Variants in IL7R observed in about 807,000 individuals in gnomAD.
IL7R encodes interleukin-7 receptor subunit alpha.
A neutral mutation model predicts 47.0 loss-of-function variants in IL7R; 38 were observed. The observed-to-expected ratio is 0.81, with a 90% CI of 0.62 to 1.06. IL7R has a LOEUF of 1.06. Among genes scored for constraint, IL7R ranks in the 50% least tolerant of loss-of-function variants. The pLI is 0.00. For synonymous variants in IL7R, 221 were observed against 199.8 expected (o/e 1.11, Z -0.89); for missense variants, 633 against 534.8 (o/e 1.18, Z -1.81).
intron 1 of IL7R, among the ~76,000 whole-genome samples, chr5:35,860,244 C>T (rs1759767491): frequency 6.6e-6 from 1 of 152,060 alleles, no homozygotes; most frequent in South Asian, 2.1e-4. Flanking sequence ...ACGTTTGTCT[C>T]AGTCAGTAGC....
Position 35,878,072 on chromosome 5 carries a change from T to C in IL7R, c.*1586T>C, listed in dbSNP as rs971633011. On this transcript the variant is annotated 3_prime_UTR_variant, in exon 8 of 8. Coordinates refer to ENST00000303115, the MANE Select transcript of IL7R (RefSeq NM_002185.5). ...GATATTTTAGTTTTCTTGTTTGTTT[T>C]GTTTTGTGTTGTCTGTGAATGGGGT... The C allele has an allele frequency of 8.6e-6, 2 of 233,242 alleles. No individual in the cohort carries two copies. The highest frequency in any genetic ancestry group is 6.0e-5 in the East Asian group (1 of 16,606). The allele number at this position is 233,242 out of a possible 1,614,324, so 14.4% of individuals were successfully genotyped here. A position where few individuals can be genotyped will look rare whatever the true frequency, so the allele number is the denominator to read the frequency against.
rs11567763 is a variant in IL7R at position 35,873,466 on chromosome 5, A to C, written c.538-14A>C. 5.5e-3 allele frequency: 8,942 copies of C among 1,611,698 alleles called. 462 individuals carry two copies. The African/African-American group carries it at 0.11, about 19-fold the overall frequency. ...TTTCCCATCCTAAGAATGTAACTGC[A>C]CTCTACTCTCTAGCATGTGAATTTA... is the stretch of plus-strand genomic sequence containing the variant. On this transcript the variant is annotated splice_polypyrimidine_tract_variant and intron_variant, in intron 4 of 7. Coordinates refer to ENST00000303115, the MANE Select transcript of IL7R (RefSeq NM_002185.5).
chr5:35,873,799 G>T, intron 5 of IL7R, 151 bp downstream of exon 5: 4 of 768,692 alleles, frequency 5.2e-6, no homozygotes, highest in Non-Finnish European at 9.3e-6. Context: ...TGACTTGCCT[G>T]CTGTCTTTGC....
In IL7R at chr5:35,873,479, G is replaced by A. The variant is rs1315265916; in HGVS notation, c.538-1G>A. On this transcript the variant is annotated splice_acceptor_variant, in intron 4 of 7. Coordinates refer to ENST00000303115, the MANE Select transcript of IL7R (RefSeq NM_002185.5). LOFTEE classifies it high-confidence loss of function. ...GAATGTAACTGCACTCTACTCTCTA[G>A]CATGTGAATTTATCCAGCACAAAGC... is the stretch of plus-strand genomic sequence containing the variant. 7.4e-6 allele frequency: 12 copies of A among 1,613,370 alleles called. No homozygotes were observed. Among genetic ancestry groups the A allele is most frequent in the Admixed American group, 5.0e-5 (3 of 59,982 alleles).
At chr5:35,862,598 C>T (rs1759848322) in intron 2 of IL7R, among the ~76,000 whole-genome samples, 1 of 152,082 alleles carries the variant, frequency 6.6e-6, no homozygotes, top group South Asian at 2.1e-4. Flanking sequence ...AGATGAACTC[C>T]TGGAGTTCAG....
At position 35,867,427 on chromosome 5, in the gene IL7R, A is replaced by T. The variant is rs746743911; in HGVS notation, c.343A>T (p.Ser115Cys). 1 of 1,613,396 alleles carries T rather than the reference A, an allele frequency of 6.2e-7. No individual in the cohort carries two copies. Among genetic ancestry groups the T allele is most frequent in the Non-Finnish European group, 8.5e-7 (1 of 1,179,552 alleles). Residue 115 changes from serine to cysteine, a missense_variant, in exon 3 of 8, where the codon AGT becomes TGT. Physicochemically the swap from Ser to Cys is moderately radical, Grantham distance 112. Coordinates refer to ENST00000303115, the MANE Select transcript of IL7R (RefSeq NM_002185.5). ...TATATGTGTGAAGGTTGGAGAAAAGAGTCTAACCTGCAAAAAAATAGACCT... is the reference window on the plus strand; with the variant it reads ...TATATGTGTGAAGGTTGGAGAAAAGTGTCTAACCTGCAAAAAAATAGACCT... ...SNICVKVGEK[S>C]LTCKKIDLTT... is the part of the protein sequence containing the mutation.
intron 1 of IL7R, among the ~76,000 whole-genome samples, chr5:35,857,977 C>T (rs1373600156): frequency 1.3e-5 from 2 of 152,126 alleles, no homozygotes; most frequent in East Asian, 3.8e-4. Flanking sequence ...ATGGAAATCC[C>T]TAGAATTTTC....
chr5:35,876,389 T>G lies in IL7R; in HGVS notation c.1283T>G (p.Leu428Trp). ...TCTCTCCAATCTGGAATCCTGACAT[T>G]GAACCCAGTTGCTCAGGGTCAGCCC... is the stretch of plus-strand genomic sequence containing the variant. ...PFSLQSGILT[L>W]NPVAQGQPIL... Residue 428 changes from leucine to tryptophan, a missense_variant, in exon 8 of 8, where the codon TTG becomes TGG. Transcript: ENST00000303115. 1 of 1,613,620 alleles carries G rather than the reference T, an allele frequency of 6.2e-7. No individual in the cohort carries two copies. The highest frequency in any genetic ancestry group is 8.5e-7 in the Non-Finnish European group (1 of 1,179,934).
In IL7R at chr5:35,878,081, T is replaced by C. The variant is rs1760260233; in HGVS notation, c.*1595T>C. 1 of 233,348 alleles carries C rather than the reference T, an allele frequency of 4.3e-6. No individual in the cohort carries two copies. Among genetic ancestry groups the C allele is most frequent in the Admixed American group, 5.6e-5 (1 of 17,806 alleles). 14.5% of individuals were successfully genotyped at this position (233,348 alleles called of 1,614,324 possible). A position where few individuals can be genotyped will look rare whatever the true frequency, so the allele number is the denominator to read the frequency against. ...GTTTTCTTGTTTGTTTTGTTTTGTG[T>C]TGTCTGTGAATGGGGTTTTAACTGT... On this transcript the variant is annotated 3_prime_UTR_variant, in exon 8 of 8. Transcript: ENST00000303115.
In IL7R at chr5:35,857,058, T is replaced by A. The variant is rs753451294; in HGVS notation, c.81T>A (p.Asn27Lys). The A allele has an allele frequency of 3.8e-6, 6 of 1,583,168 alleles. No individual in the cohort carries two copies. In the Admixed American group the frequency reaches 1.0e-4, roughly 26 times the overall value. ...VVSGESGYAQ[N>K]GDLEDAELDD... Reference sequence around the variant, plus strand: ...CTGGAGAAAGTGGCTATGCTCAAAATGGTGAGTCATTTCTAAGTTTTCTTA... The same window carrying A: ...CTGGAGAAAGTGGCTATGCTCAAAAAGGTGAGTCATTTCTAAGTTTTCTTA... The change falls in exon 1 of 8, where the codon AAT becomes AAA. Residue 27 changes from asparagine (N) to lysine (K), a missense_variant and splice_region_variant. By Grantham distance (94) the Asn-to-Lys change is moderately conservative. Transcript: ENST00000303115.
Position 35,876,212 on chromosome 5 carries a change from G to A in IL7R, c.1106G>A (p.Cys369Tyr), listed in dbSNP as rs758381888. 3.1e-6 allele frequency: 5 copies of A among 1,614,180 alleles called. No individual in the cohort carries two copies. The highest frequency in any genetic ancestry group is 1.7e-5 in the Admixed American group (1 of 60,026). ...TTTGGAAGAGATTCATCCCTCACAT[G>A]CCTGGCTGGGAATGTCAGTGCATGT... Reference protein sequence around the residue: ...ESFGRDSSLTCLAGNVSACDA... With the variant: ...ESFGRDSSLTYLAGNVSACDA... The change falls in exon 8 of 8, where the codon TGC becomes TAC. Residue 369 changes from cysteine to tyrosine, a missense_variant. Transcript: ENST00000303115.
In IL7R at chr5:35,878,882, C is replaced by T. The variant is rs941477819; in HGVS notation, c.*2396C>T. On this transcript the variant is annotated 3_prime_UTR_variant, in exon 8 of 8. Transcript: ENST00000303115. ...TCGAGATATCTCCAGCTCTAAAATC[C>T]TTTGTTTCAATGTTGTTTGGCATAT... 6 of 232,790 alleles carry T rather than the reference C, an allele frequency of 2.6e-5. No homozygotes were observed. Among genetic ancestry groups the T allele is most frequent in the Middle Eastern group, 2.5e-3 (2 of 806 alleles). The allele number at this position is 232,790 out of a possible 1,614,324, so 14.4% of individuals were successfully genotyped here.
chr5:35,876,893 G>A lies in IL7R; in HGVS notation c.*407G>A. On this transcript the variant is annotated 3_prime_UTR_variant, in exon 8 of 8. Transcript: ENST00000303115. ...AATATATATCCAGTGCTTTGCAAGT[G>A]CTCTGCGCACCTTGTCTCACTCCAT... 3.4e-6 allele frequency: 1 copy of A among 295,858 alleles called. No individual in the cohort carries two copies. Among genetic ancestry groups the A allele is most frequent in the Non-Finnish European group, 6.4e-6 (1 of 156,108 alleles). 18.3% of individuals were successfully genotyped at this position (295,858 alleles called of 1,614,324 possible).
rs1427876075 is a variant in IL7R at position 35,878,578 on chromosome 5, A to G, written c.*2092A>G. 8.6e-6 allele frequency: 2 copies of G among 232,940 alleles called. No individual in the cohort carries two copies. Among genetic ancestry groups the G allele is most frequent in the Non-Finnish European group, 1.7e-5 (2 of 117,814 alleles). The allele number at this position is 232,940 out of a possible 1,614,324, so 14.4% of individuals were successfully genotyped here. ...TTGTAGGCAGCAGAAGACATTTTTC[A>G]TCAGTGGGCAGGTGTTCTTTACCTT... On this transcript the variant is annotated 3_prime_UTR_variant, in exon 8 of 8. Coordinates refer to ENST00000303115, the MANE Select transcript of IL7R (RefSeq NM_002185.5).
intron 3 of IL7R, among the ~76,000 whole-genome samples, chr5:35,869,858 C>A (rs11567741): frequency 0.021 from 3,185 of 152,256 alleles, 125 homozygotes; most frequent in African/African-American, 0.073. Context: ...CTTTTACAAC[C>A]CATCCAAGGG....
intron 4 of IL7R, among the ~76,000 whole-genome samples, chr5:35,871,609 C>T (rs1473140051): frequency 6.6e-6 from 1 of 152,198 alleles, no homozygotes; most frequent in African/African-American, 2.4e-5. Flanking sequence ...TTATGAGATT[C>T]ATGGGACCAG....
chr5:35,862,842 T>A (rs1355064274), intron 2 of IL7R, among the ~76,000 whole-genome samples: 1 of 152,158 alleles, frequency 6.6e-6, no homozygotes, highest in Non-Finnish European at 1.5e-5. Flanking sequence ...AACTAAAAGT[T>A]ATTGTCCTAG....
At chr5:35,872,332 G>A (rs774463572) in intron 4 of IL7R, among the ~76,000 whole-genome samples, 2 of 152,096 alleles carry the variant, frequency 1.3e-5, no homozygotes, top group Admixed American at 6.5e-5. Flanking sequence ...CCAAGTACCT[G>A]TGATTACAGG....
At chr5:35,875,612 G>C in intron 7 of IL7R, 25 bp downstream of exon 7, 1 of 1,546,068 alleles carries the variant, frequency 6.5e-7, no homozygotes, top group Non-Finnish European at 8.9e-7. Flanking sequence ...TGCTTAAAAA[G>C]TGTTGTGTTG....
Sources: gnomAD v4.1 joint callset for allele counts (sites outside exome capture counted in the v4.1 genomes callset) on GRCh38, gnomAD v4.1.1 for gene constraint, MANE v1.5 for transcripts, NCBI Gene and HGNC (gene_info 2026-07-23, HGNC 2026-07-21) for gene names.